The following PDE11A variants were observed in gnomAD, a reference collection of about 807,000 sequenced individuals.
PDE11A encodes phosphodiesterase 11A, also known as dual 3',5'-cyclic-AMP and -GMP phosphodiesterase 11A.
PDE11A carries 100 observed loss-of-function variants against 100.5 expected under a neutral mutation model. That is an observed-to-expected ratio of 1.00 (90% CI 0.85 to 1.18). The LOEUF (loss-of-function observed/expected upper bound fraction) is 1.18. Among genes scored for constraint, PDE11A ranks in the 50% most tolerant of loss-of-function variants. The probability of loss-of-function intolerance (pLI) is 0.00; values close to 1 mark genes in which losing one functional copy is unlikely to be tolerated. For missense variants in PDE11A, 1,141 were observed against 1,152.6 expected, an observed-to-expected ratio of 0.99 and a Z score of 0.15; for synonymous variants, 381 against 420.8, an observed-to-expected ratio of 0.91 and a Z score of 1.16.
At chr2:177,957,603 G>A (rs182122101) in intron 2 of PDE11A, among the ~76,000 whole-genome samples, 110 of 152,282 alleles carry the variant, frequency 7.2e-4, no homozygotes, top group African/African-American at 2.6e-3. Flanking sequence ...ATTGAGCTAT[G>A]TGATTCTCCA....
At chr2:177,834,763 A>G (rs113102743) in intron 6 of PDE11A, among the ~76,000 whole-genome samples, 33 of 152,256 alleles carry the variant, frequency 2.2e-4, no homozygotes, top group African/African-American at 7.2e-4. Flanking sequence ...CCAGGCTTGC[A>G]CCTAAGCTTT....
At chr2:177,820,906 A>G (rs1004132712) in intron 6 of PDE11A, among the ~76,000 whole-genome samples, 4 of 151,928 alleles carry the variant, frequency 2.6e-5, no homozygotes, top group Admixed American at 2.6e-4. Context: ...TCAACATCAA[A>G]CATTGAGTAA....
intron 19 of PDE11A, among the ~76,000 whole-genome samples, chr2:177,641,133 G>C (rs1326411441): frequency 2.0e-5 from 3 of 152,122 alleles, no homozygotes; most frequent in African/African-American, 7.2e-5. Context: ...ACCTGAGCTT[G>C]CCATTCACTT....
chr2:177,927,903 G>A (rs918513863), intron 2 of PDE11A, among the ~76,000 whole-genome samples: 1 of 151,948 alleles, frequency 6.6e-6, no homozygotes, highest in Non-Finnish European at 1.5e-5. Context: ...TTGGGACTTC[G>A]AGATCAGCCT....
At chr2:177,776,922 GC>G (rs2082386015) in intron 9 of PDE11A, among the ~76,000 whole-genome samples, 1 of 152,114 alleles carries the variant, frequency 6.6e-6, no homozygotes, top group East Asian at 1.9e-4. Context: ...GCATGGGGGG[GC>G]AGTTACCCTC....
chr2:177,656,421 G>A (rs1034531637), intron 19 of PDE11A, among the ~76,000 whole-genome samples: 1 of 152,172 alleles, frequency 6.6e-6, no homozygotes, highest in African/African-American at 2.4e-5. Context: ...TACACTCTAC[G>A]ATGTTTGCAT....
At chr2:177,827,857 T>C (rs1411982388) in intron 6 of PDE11A, among the ~76,000 whole-genome samples, 1 of 152,178 alleles carries the variant, frequency 6.6e-6, no homozygotes, top group Admixed American at 6.5e-5. Flanking sequence ...GCAAATGCAG[T>C]TTATGTACAT....
chr2:177,776,917 G>C (rs555491174), intron 9 of PDE11A, among the ~76,000 whole-genome samples: 11 of 152,232 alleles, frequency 7.2e-5, no homozygotes, highest in African/African-American at 2.4e-4. Context: ...CTGAAGCATG[G>C]GGGGGCAGTT....
At chr2:177,655,500 A>G (rs1006850256) in intron 19 of PDE11A, among the ~76,000 whole-genome samples, 1 of 152,156 alleles carries the variant, frequency 6.6e-6, no homozygotes, top group Non-Finnish European at 1.5e-5. Flanking sequence ...TGCTACTCAG[A>G]ACTTCTTCCT....
Position 177,928,104 on chromosome 2 carries a change from C to CAAAAAAAAAAAAAAAAAAAAAAAA in PDE11A, c.1072-22918_1072-22917insTTTTTTTTTTTTTTTTTTTTTTTT. On this transcript the variant is annotated intron_variant, in intron 2 of 19. Transcript: ENST00000286063. ...GGGCAACAAGAGCGAAACTCCATCTCAAAAAAAAAAAAAAAAAAAAAAGCC... is the reference window on the plus strand; with the variant it reads ...GGGCAACAAGAGCGAAACTCCATCTCAAAAAAAAAAAAAAAAAAAAAAAAAAAAAAAAAAAAAAAAAAAAAAGCC... Among the ~76,000 whole-genome samples, 2 of 56,456 alleles carry CAAAAAAAAAAAAAAAAAAAAAAAA rather than the reference C, an allele frequency of 3.5e-5. 1 individual carries two copies. The highest frequency in any genetic ancestry group is 4.8e-4 in the Admixed American group (2 of 4,152). The allele number at this position is 56,456 out of a possible 152,430, so 37.0% of individuals were successfully genotyped here. A position where few individuals can be genotyped will look rare whatever the true frequency, so the allele number is the denominator to read the frequency against.
chr2:177,917,583 G>A (rs13022684), intron 2 of PDE11A, among the ~76,000 whole-genome samples: 4,918 of 152,224 alleles, frequency 0.032, 116 homozygotes, highest in Non-Finnish European at 0.052. Context: ...CTACATTTGC[G>A]TGAGCATTTT....
chr2:177,979,090 A>G lies in PDE11A; in HGVS notation c.1071+35212T>C, dbSNP rs1456698021. ...CTTAGAGTATAATAAAAAAAAAAAAAAAAAGAAAGAAAATGGCTTACATGA... is the reference window on the plus strand; with the variant it reads ...CTTAGAGTATAATAAAAAAAAAAAAGAAAAGAAAGAAAATGGCTTACATGA... On this transcript the variant is annotated intron_variant, in intron 2 of 19. Transcript: ENST00000286063. Among the ~76,000 whole-genome samples, 4 of 146,736 alleles carry G rather than the reference A, an allele frequency of 2.7e-5. No individual in the cohort carries two copies. In the East Asian group the frequency reaches 5.8e-4, roughly 21 times the overall value.
chr2:177,866,141 A>C (rs1221573682), intron 5 of PDE11A, among the ~76,000 whole-genome samples: 1 of 152,198 alleles, frequency 6.6e-6, no homozygotes, highest in South Asian at 2.1e-4. Context: ...TGAGTAGCCT[A>C]CCAAGTGCTG....
intron 2 of PDE11A, among the ~76,000 whole-genome samples, chr2:177,943,243 G>A (rs1274823061): frequency 1.3e-5 from 2 of 152,198 alleles, no homozygotes; most frequent in Non-Finnish European, 2.9e-5. Flanking sequence ...ATCCAAAAGT[G>A]AGATTGCTGG....
chr2:177,853,374 C>T (rs79236562), intron 5 of PDE11A, among the ~76,000 whole-genome samples: 5,035 of 151,440 alleles, frequency 0.033, 277 homozygotes, highest in African/African-American at 0.12. Flanking sequence ...TTAAAAACAC[C>T]AAGGTGAGAC....
At chr2:177,689,994 C>T (rs1424470943) in intron 15 of PDE11A, among the ~76,000 whole-genome samples, 1 of 152,114 alleles carries the variant, frequency 6.6e-6, no homozygotes, top group African/African-American at 2.4e-5. Flanking sequence ...GCTCTGAGTC[C>T]CTGAAGGTAA....
intron 12 of PDE11A, among the ~76,000 whole-genome samples, chr2:177,713,282 T>C (rs1309778484): frequency 2.0e-5 from 3 of 152,146 alleles, no homozygotes; most frequent in Non-Finnish European, 4.4e-5. Context: ...ATGCTGGGAT[T>C]ATAGGTGTGA....
At chr2:177,659,113 T>C (rs2080434837) in intron 19 of PDE11A, among the ~76,000 whole-genome samples, 2 of 151,850 alleles carry the variant, frequency 1.3e-5, no homozygotes, top group Non-Finnish European at 2.9e-5. Flanking sequence ...ACAAAAAAAT[T>C]AGCCAGGTGT....
rs2079878777 is a variant in PDE11A, at chr2:177,629,203, C to T, written c.*204G>A. 3.2e-6 allele frequency: 2 copies of T among 621,894 alleles called. No individual in the cohort carries two copies. The highest frequency in any genetic ancestry group is 5.8e-6 in the Non-Finnish European group (2 of 344,856). The allele number at this position is 621,894 out of a possible 1,614,324, so 38.5% of individuals were successfully genotyped here. On this transcript the variant is annotated 3_prime_UTR_variant, in exon 20 of 20. Coordinates refer to ENST00000286063, the MANE Select transcript of PDE11A (RefSeq NM_016953.4). ...GGAAAAGTGAGGGTCCTGGGGTGTG[C>T]TCCCTGCCCCACCTCTTTCTTTGTC...
Sources: allele counts gnomAD v4.1 joint callset (sites outside exome capture counted in the v4.1 genomes callset), GRCh38; gene constraint gnomAD v4.1.1; transcripts MANE v1.5; gene names NCBI Gene and HGNC (gene_info 2026-07-23, HGNC 2026-07-21).